Variants in SH3RF3 observed in about 807,000 individuals in gnomAD.
SH3RF3 encodes E3 ubiquitin-protein ligase SH3RF3.
In SH3RF3, 29 loss-of-function variants were observed where a neutral mutation model predicts 66.3. The observed-to-expected ratio is 0.44, with a 90% CI of 0.33 to 0.60. The LOEUF is 0.60. Among genes scored for constraint, SH3RF3 ranks in the 20% least tolerant of loss-of-function variants. SH3RF3 has a pLI of 0.04. For synonymous variants in SH3RF3, 583 were observed against 532.0 expected (o/e 1.10, Z -1.32); for missense variants, 1,194 against 1,190.9 (o/e 1.00, Z -0.04).
chr2:109,316,439 A>T (rs761223819), intron 1 of SH3RF3, among the ~76,000 whole-genome samples: 42 of 152,288 alleles, frequency 2.8e-4, no homozygotes, highest in Non-Finnish European at 4.3e-4. Context: ...CACAGGTGTG[A>T]TGTCAGTGTG....
At chr2:109,451,488 T>C (rs1422909919) in intron 8 of SH3RF3, among the ~76,000 whole-genome samples, 1 of 152,198 alleles carries the variant, frequency 6.6e-6, no homozygotes, top group Non-Finnish European at 1.5e-5. Flanking sequence ...GTGAAGCAAA[T>C]GGGACTGGCT....
intron 1 of SH3RF3, among the ~76,000 whole-genome samples, chr2:109,241,584 C>T (rs760132934): frequency 1.1e-4 from 17 of 152,132 alleles, no homozygotes; most frequent in Admixed American, 3.3e-4. Flanking sequence ...TGGCCTCAGG[C>T]ATTGAGGTTT....
At chr2:109,301,478 C>CT (rs1681467844) in intron 1 of SH3RF3, among the ~76,000 whole-genome samples, 1 of 152,072 alleles carries the variant, frequency 6.6e-6, no homozygotes, top group Non-Finnish European at 1.5e-5. Context: ...TGGCAGGTGT[C>CT]TGAGGATGGA....
chr2:109,132,733 G>A (rs1295936688), intron 1 of SH3RF3, among the ~76,000 whole-genome samples: 1 of 152,200 alleles, frequency 6.6e-6, no homozygotes, highest in Non-Finnish European at 1.5e-5. Context: ...AGTTGCTAAT[G>A]TATGCTAAAT....
chr2:109,360,406 A>G (rs988113818), intron 2 of SH3RF3, among the ~76,000 whole-genome samples: 1 of 152,208 alleles, frequency 6.6e-6, no homozygotes, highest in South Asian at 2.1e-4. Flanking sequence ...GGCTCGATGT[A>G]CACAAACTTT....
At chr2:109,495,236 C>T (rs1306636122) in intron 9 of SH3RF3, among the ~76,000 whole-genome samples, 1 of 152,198 alleles carries the variant, frequency 6.6e-6, no homozygotes, top group Non-Finnish European at 1.5e-5. Context: ...ATGCAGGCAG[C>T]AAATGCACAT....
Position 109,377,577 on chromosome 2 carries a change from G to A in SH3RF3, c.945+5896G>A, listed in dbSNP as rs145219434. ...TGTGGTGTTTGGGAAAATTGTGGAT[G>A]GAATGCTGTTTATAGATCCTGGAAA... On this transcript the variant is annotated intron_variant, in intron 3 of 9. Transcript: ENST00000309415. Among the ~76,000 whole-genome samples the A allele has an allele frequency of 2.8e-3, 419 of 152,222 alleles. 3 individuals are homozygous for A. The highest frequency in any genetic ancestry group is 9.5e-3 in the African/African-American group (396 of 41,532).
chr2:109,141,538 C>T (rs958044618), intron 1 of SH3RF3: 1 of 154,930 alleles, frequency 6.5e-6, no homozygotes, highest in African/African-American at 2.4e-5. Context: ...TCACCAGTCC[C>T]CAGGCTGACC....
intron 3 of SH3RF3, among the ~76,000 whole-genome samples, chr2:109,387,598 T>C (rs766795426): frequency 1.1e-4 from 16 of 152,158 alleles, no homozygotes; most frequent in African/African-American, 3.9e-4. Flanking sequence ...GGCTCACAGG[T>C]CAGTTTCCCT....
chr2:109,179,892 A>C (rs1056705772), intron 1 of SH3RF3, among the ~76,000 whole-genome samples: 26 of 152,192 alleles, frequency 1.7e-4, no homozygotes, highest in Admixed American at 7.2e-4. Flanking sequence ...GCAGGAAAAT[A>C]CAGGGGTCAA....
At chr2:109,215,847 C>G (rs1679092077) in intron 1 of SH3RF3, among the ~76,000 whole-genome samples, 1 of 152,170 alleles carries the variant, frequency 6.6e-6, no homozygotes, top group South Asian at 2.1e-4. Flanking sequence ...TTTCTTCTGA[C>G]ATGGAAGCAG....
chr2:109,373,461 A>G (rs1296458305), intron 3 of SH3RF3, among the ~76,000 whole-genome samples: 26 of 152,240 alleles, frequency 1.7e-4, no homozygotes, highest in Admixed American at 1.7e-3. Context: ...ATACAATGGA[A>G]CGCTCTCCCA....
At chr2:109,417,320 G>A (rs759341786) in intron 4 of SH3RF3, among the ~76,000 whole-genome samples, 4 of 152,166 alleles carry the variant, frequency 2.6e-5, no homozygotes, top group Admixed American at 6.5e-5. Flanking sequence ...GATCCAGACC[G>A]GCTCTGGGGA....
intron 8 of SH3RF3, among the ~76,000 whole-genome samples, chr2:109,487,870 T>G (rs940993664): frequency 2.0e-5 from 3 of 152,194 alleles, no homozygotes; most frequent in African/African-American, 7.2e-5. Flanking sequence ...CTCAGCACCG[T>G]GCTAGGCGCT....
intron 4 of SH3RF3, among the ~76,000 whole-genome samples, chr2:109,401,316 G>C (rs150036170): frequency 3.3e-5 from 5 of 152,324 alleles, no homozygotes; most frequent in African/African-American, 9.6e-5. Context: ...GCAGGTTTGA[G>C]GGGTACCCCT....
At chr2:109,434,736 G>A (rs1347661377) in intron 6 of SH3RF3, among the ~76,000 whole-genome samples, 1 of 152,212 alleles carries the variant, frequency 6.6e-6, no homozygotes, top group Non-Finnish European at 1.5e-5. Flanking sequence ...AAGTTCTACA[G>A]GCATTCAGGA....
chr2:109,407,712 G>A (rs1261810873), intron 4 of SH3RF3, among the ~76,000 whole-genome samples: 1 of 150,644 alleles, frequency 6.6e-6, no homozygotes, highest in African/African-American at 2.5e-5. Context: ...CTTATAGGGA[G>A]GCAAAACAAA....
In SH3RF3 at chr2:109,243,378, C is replaced by T. The variant is rs371661707; in HGVS notation, c.574-104296C>T. Among the ~76,000 whole-genome samples the T allele has an allele frequency of 9.4e-4, 143 of 152,362 alleles. 1 individual carries two copies. Among genetic ancestry groups the T allele is most frequent in the African/African-American group, 3.2e-3 (134 of 41,602 alleles). ...CTGTTCACCCCTTACCAGATATTCC[C>T]GGGGCACATGCTGGAGTGCCTGTCC... is the stretch of plus-strand genomic sequence containing the variant. On this transcript the variant is annotated intron_variant, in intron 1 of 9. Transcript: ENST00000309415.
intron 1 of SH3RF3, among the ~76,000 whole-genome samples, chr2:109,151,432 C>A (rs1677223529): frequency 6.6e-6 from 1 of 152,164 alleles, no homozygotes; most frequent in Non-Finnish European, 1.5e-5. Context: ...CAAAGCAGCA[C>A]CATCCAATAC....
Sources: gnomAD v4.1 joint callset for allele counts (sites outside exome capture counted in the v4.1 genomes callset) on GRCh38, gnomAD v4.1.1 for gene constraint, MANE v1.5 for transcripts, NCBI Gene and HGNC (gene_info 2026-07-23, HGNC 2026-07-21) for gene names.